Variants in LHFPL3 observed in about 807,000 individuals in gnomAD.
The protein encoded by LHFPL3 is LHFPL tetraspan subfamily member 3 protein.
In LHFPL3, 5 loss-of-function variants were observed where a neutral mutation model predicts 19.3. The ratio of observed to expected loss-of-function variants is 0.26; its 90% CI spans 0.14 to 0.54. The LOEUF (loss-of-function observed/expected upper bound fraction) is 0.54. Ranked by LOEUF, LHFPL3 falls within the 20% of genes least tolerant of loss-of-function variation. The probability of loss-of-function intolerance (pLI) is 0.94; values close to 1 mark genes in which losing one functional copy is unlikely to be tolerated. For synonymous variants in LHFPL3, 133 were observed against 126.2 expected, an observed-to-expected ratio of 1.05 and a Z score of -0.36; for missense variants, 249 against 307.4, an observed-to-expected ratio of 0.81 and a Z score of 1.42.
intron 1 of LHFPL3, among the ~76,000 whole-genome samples, chr7:104,509,079 A>G (rs1793760771): frequency 6.6e-6 from 1 of 152,084 alleles, no homozygotes; most frequent in Non-Finnish European, 1.5e-5. Context: ...ATGTCCTATA[A>G]CTATATAGGA....
At chr7:104,532,001 T>G (rs1362695221) in intron 1 of LHFPL3, among the ~76,000 whole-genome samples, 1 of 152,214 alleles carries the variant, frequency 6.6e-6, no homozygotes, top group African/African-American at 2.4e-5. Context: ...TGATTCCTTC[T>G]AGGTTCTGCT....
At chr7:104,487,596 C>T (rs1793262208) in intron 1 of LHFPL3, among the ~76,000 whole-genome samples, 1 of 152,222 alleles carries the variant, frequency 6.6e-6, no homozygotes, top group South Asian at 2.1e-4. Context: ...AATGTGCAAA[C>T]TCCACACAGA....
intron 1 of LHFPL3, among the ~76,000 whole-genome samples, chr7:104,369,753 G>A (rs1360499472): frequency 6.6e-6 from 1 of 152,138 alleles, no homozygotes; most frequent in Non-Finnish European, 1.5e-5. Context: ...CCATTGTGGT[G>A]TAAATTTGCA....
At chr7:104,433,670 A>G (rs186735715) in intron 1 of LHFPL3, among the ~76,000 whole-genome samples, 59 of 152,314 alleles carry the variant, frequency 3.9e-4, no homozygotes, top group Admixed American at 2.9e-3. Flanking sequence ...CTCTTGGCCT[A>G]GAATGCCTTT....
At chr7:104,710,130 G>C (rs138811532) in intron 1 of LHFPL3, among the ~76,000 whole-genome samples, 12 of 152,176 alleles carry the variant, frequency 7.9e-5, no homozygotes, top group African/African-American at 2.9e-4. Flanking sequence ...AGACCAGCCC[G>C]GCCAACACGG....
intron 2 of LHFPL3, among the ~76,000 whole-genome samples, chr7:104,814,798 C>T (rs1052734940): frequency 2.6e-5 from 4 of 152,202 alleles, no homozygotes; most frequent in Admixed American, 6.5e-5. Flanking sequence ...AGTGTGTGCA[C>T]GCTCGACTGG....
chr7:104,850,784 C>A (rs1047743671), intron 2 of LHFPL3, among the ~76,000 whole-genome samples: 1 of 151,662 alleles, frequency 6.6e-6, no homozygotes, highest in African/African-American at 2.4e-5. Context: ...TTCTGAGATA[C>A]CCCCCCACCC....
chr7:104,813,892 C>G lies in LHFPL3; in HGVS notation c.682+76981C>G, dbSNP rs935402160. 2.6e-5 allele frequency among the ~76,000 whole-genome samples: 4 copies of G among 152,198 alleles called. No individual in the cohort carries two copies. In the East Asian group the frequency reaches 7.7e-4, roughly 29 times the overall value. ...CCCAGGTTTGGGTTCCCCAAAGGAC[C>G]ACAGCTCTTCTTTCCTTCTCTTCAC... On this transcript the variant is annotated intron_variant, in intron 2 of 2. Coordinates refer to ENST00000424859, the MANE Select transcript of LHFPL3 (RefSeq NM_199000.3).
chr7:104,753,730 G>A (rs900523678), intron 2 of LHFPL3, among the ~76,000 whole-genome samples: 4 of 152,022 alleles, frequency 2.6e-5, no homozygotes, highest in African/African-American at 9.7e-5. Context: ...ATTACAAAAT[G>A]AGCAGATTAT....
intron 1 of LHFPL3, among the ~76,000 whole-genome samples, chr7:104,656,827 G>T (rs1792130165): frequency 6.6e-6 from 1 of 152,216 alleles, no homozygotes; most frequent in African/African-American, 2.4e-5. Context: ...TATGTGGACA[G>T]TCTAATTATC....
chr7:104,746,005 T>C (rs1392081874), intron 2 of LHFPL3, among the ~76,000 whole-genome samples: 2 of 152,144 alleles, frequency 1.3e-5, no homozygotes, highest in African/African-American at 4.8e-5. Flanking sequence ...CACAATCACC[T>C]GGGGGAGATT....
intron 1 of LHFPL3, among the ~76,000 whole-genome samples, chr7:104,621,905 T>C (rs767091202): frequency 9.9e-5 from 15 of 152,158 alleles, no homozygotes; most frequent in Non-Finnish European, 2.1e-4. Flanking sequence ...TCCTGCCTTT[T>C]AGTAACTCAT....
intron 1 of LHFPL3, among the ~76,000 whole-genome samples, chr7:104,521,937 T>C (rs369861096): frequency 6.6e-6 from 1 of 152,036 alleles, no homozygotes; most frequent in Non-Finnish European, 1.5e-5. Context: ...ACACTGTTGG[T>C]GGGACTGTAA....
At chr7:104,804,655 G>C (rs543052039) in intron 2 of LHFPL3, among the ~76,000 whole-genome samples, 1 of 152,250 alleles carries the variant, frequency 6.6e-6, no homozygotes, top group Admixed American at 6.5e-5. Context: ...GCCATGTTGG[G>C]AGAGGCCCAC....
chr7:104,527,694 G>T (rs1031805752), intron 1 of LHFPL3, among the ~76,000 whole-genome samples: 5 of 152,104 alleles, frequency 3.3e-5, no homozygotes, highest in African/African-American at 4.8e-5. Flanking sequence ...AGTGAAGGAG[G>T]GGGAGGAAGC....
In LHFPL3 at chr7:104,373,135, T is replaced by C. The variant is rs1790646051; in HGVS notation, c.445+43911T>C. Among the ~76,000 whole-genome samples, 7 of 152,318 alleles carry C rather than the reference T, an allele frequency of 4.6e-5. No homozygotes were observed. In the South Asian group the frequency reaches 1.5e-3, roughly 32 times the overall value. On this transcript the variant is annotated intron_variant, in intron 1 of 2. Transcript: ENST00000424859. Reference sequence around the variant, plus strand: ...CAATAATTCTGGTGAACTTTGTTAATCCAACATTTCATATTTATTTGACTA... The same window carrying C: ...CAATAATTCTGGTGAACTTTGTTAACCCAACATTTCATATTTATTTGACTA...
chr7:104,842,524 G>C (rs1205369435), intron 2 of LHFPL3, among the ~76,000 whole-genome samples: 1 of 152,110 alleles, frequency 6.6e-6, no homozygotes, highest in Non-Finnish European at 1.5e-5. Context: ...CTCCAGATGG[G>C]GTCCTGCAGG....
intron 1 of LHFPL3, among the ~76,000 whole-genome samples, chr7:104,336,909 C>A (rs1179322345): frequency 6.6e-6 from 1 of 152,116 alleles, no homozygotes; most frequent in Non-Finnish European, 1.5e-5. Context: ...ACATGCACAA[C>A]CTAAATAATC....
At chr7:104,358,365 C>G (rs1336350645) in intron 1 of LHFPL3, among the ~76,000 whole-genome samples, 1 of 152,102 alleles carries the variant, frequency 6.6e-6, no homozygotes, top group East Asian at 1.9e-4. Flanking sequence ...TTGGTCTGAC[C>G]ACAGTGGGCT....
Sources: gnomAD v4.1 joint callset for allele counts (sites outside exome capture counted in the v4.1 genomes callset) on GRCh38, gnomAD v4.1.1 for gene constraint, MANE v1.5 for transcripts, NCBI Gene and HGNC (gene_info 2026-07-23, HGNC 2026-07-21) for gene names.